The following CNTN1 variants were observed in gnomAD, a reference collection of about 807,000 sequenced individuals.
CNTN1 encodes the protein contactin 1.
CNTN1 carries 38 observed loss-of-function variants against 126.4 expected under a neutral mutation model. That is an observed-to-expected ratio of 0.30 (90% confidence interval 0.23 to 0.39). The LOEUF (loss-of-function observed/expected upper bound fraction) is 0.39. Among genes scored for constraint, CNTN1 ranks in the 10% least tolerant of loss-of-function variants. CNTN1 has a pLI of 1.00. For missense variants in CNTN1, 1,009 were observed against 1,248.4 expected (o/e 0.81, Z 2.89); for synonymous variants, 413 against 422.6 (o/e 0.98, Z 0.28).
chr12:41,069,498 C>T (rs955025081), intron 23 of CNTN1, among the ~76,000 whole-genome samples: 4 of 151,986 alleles, frequency 2.6e-5, no homozygotes, highest in Admixed American at 2.0e-4. Context: ...AGGTTTGTTA[C>T]ATATGTATAC....
intron 1 of CNTN1, among the ~76,000 whole-genome samples, chr12:40,841,836 C>T (rs537602958): frequency 2.0e-4 from 31 of 151,960 alleles, no homozygotes; most frequent in Middle Eastern, 3.4e-3. Flanking sequence ...AAAGGGGAAA[C>T]GCAGAAAGCC....
At chr12:41,053,425 CTAAATATATATATATATATA>C (rs1949730025) in intron 23 of CNTN1, among the ~76,000 whole-genome samples, 1 of 35,856 alleles carries the variant, frequency 2.8e-5, no homozygotes, top group African/African-American at 1.9e-4. Context: ...CATGTTTTCA[CTAAATATATATATATATATA>C]TATATATATA....
chr12:40,888,936 C>T (rs935581533), intron 1 of CNTN1, among the ~76,000 whole-genome samples: 2 of 152,250 alleles, frequency 1.3e-5, no homozygotes, highest in African/African-American at 4.8e-5. Context: ...CTTGCTTCCC[C>T]TCCTGCCACT....
At chr12:40,925,995 C>T (rs1945671810) in intron 6 of CNTN1, among the ~76,000 whole-genome samples, 1 of 151,338 alleles carries the variant, frequency 6.6e-6, no homozygotes, top group Non-Finnish European at 1.5e-5. Context: ...CACTCATTGA[C>T]TCAGAAAATC....
At chr12:40,950,558 A>G (rs1165609307) in intron 14 of CNTN1, among the ~76,000 whole-genome samples, 1 of 152,094 alleles carries the variant, frequency 6.6e-6, no homozygotes, top group Non-Finnish European at 1.5e-5. Flanking sequence ...AAACATACAA[A>G]AGCATTCGGC....
chr12:40,930,038 G>C, intron 7 of CNTN1, 36 bp downstream of exon 7: 1 of 1,449,752 alleles, frequency 6.9e-7, no homozygotes, highest in Non-Finnish European at 9.7e-7. Flanking sequence ...GTTTTCGCAA[G>C]GTTATCTACA....
intron 1 of CNTN1, among the ~76,000 whole-genome samples, chr12:40,707,677 G>A (rs1418393197): frequency 6.6e-6 from 1 of 151,942 alleles, no homozygotes; most frequent in East Asian, 1.9e-4. Context: ...TACTGTGCTT[G>A]TCCAGATATT....
At position 40,858,943 on chromosome 12, in the gene CNTN1, T is replaced by G. The variant is rs946472957; in HGVS notation, c.-76-49414T>G. 1.5e-4 allele frequency among the ~76,000 whole-genome samples: 22 copies of G among 151,018 alleles called. No homozygotes were observed. In the East Asian group the frequency reaches 4.3e-3, roughly 30 times the overall value. On this transcript the variant is annotated intron_variant, in intron 1 of 23. Coordinates refer to ENST00000551295, the MANE Select transcript of CNTN1 (RefSeq NM_001843.4). ...GCTGAACAATGAGAACACACGGACA[T>G]AGGGAGGGGAACAACACACACTGGG... is the stretch of plus-strand genomic sequence containing the variant.
intron 17 of CNTN1, among the ~76,000 whole-genome samples, chr12:41,000,838 G>T (rs1015625011): frequency 8.6e-5 from 13 of 151,996 alleles, no homozygotes; most frequent in Non-Finnish European, 1.5e-4. Flanking sequence ...ATGTGTCCAG[G>T]TGTTCTCATC....
intron 9 of CNTN1, among the ~76,000 whole-genome samples, chr12:40,935,080 C>A (rs1946033654): frequency 6.6e-6 from 1 of 152,004 alleles, no homozygotes; most frequent in African/African-American, 2.4e-5. Context: ...CATTTATGAT[C>A]CCACTCGTGA....
intron 18 of CNTN1, among the ~76,000 whole-genome samples, chr12:41,016,390 G>A (rs544576631): frequency 2.2e-4 from 34 of 152,222 alleles, no homozygotes; most frequent in African/African-American, 7.9e-4. Flanking sequence ...GAGGGGGTGG[G>A]AGGAGTCACA....
chr12:40,967,588 CT>C (rs1592337367), intron 15 of CNTN1, among the ~76,000 whole-genome samples: 1 of 152,122 alleles, frequency 6.6e-6, no homozygotes, highest in East Asian at 1.9e-4. Context: ...GCCTTGGGAG[CT>C]TTTAGACACT....
intron 23 of CNTN1, among the ~76,000 whole-genome samples, chr12:41,033,009 A>G (rs1233105276): frequency 6.6e-6 from 1 of 152,132 alleles, no homozygotes; most frequent in Non-Finnish European, 1.5e-5. Context: ...TCATCTCTAG[A>G]AAACTGATAT....
intron 1 of CNTN1, among the ~76,000 whole-genome samples, chr12:40,720,482 C>A (rs959464995): frequency 1.3e-5 from 2 of 151,872 alleles, no homozygotes; most frequent in African/African-American, 4.8e-5. Flanking sequence ...GGCACAGAGT[C>A]AAATACCATT....
At chr12:40,977,044 G>A (rs1193988630) in intron 15 of CNTN1, among the ~76,000 whole-genome samples, 2 of 152,130 alleles carry the variant, frequency 1.3e-5, no homozygotes, top group Non-Finnish European at 2.9e-5. Context: ...ACCTGTTCCC[G>A]AGGTTGCTGG....
At chr12:41,013,664 T>G (rs989277458) in intron 17 of CNTN1, among the ~76,000 whole-genome samples, 40 of 152,272 alleles carry the variant, frequency 2.6e-4, no homozygotes, top group Admixed American at 2.5e-3. Flanking sequence ...AAAGGGTCTT[T>G]CTAGCAGGGA....
intron 23 of CNTN1, among the ~76,000 whole-genome samples, chr12:41,037,661 A>AAT: frequency 1.8e-5 from 2 of 110,116 alleles, no homozygotes; most frequent in East Asian, 4.5e-4. Flanking sequence ...TTGTGTGTTT[A>AAT]ATACACACAC....
At chr12:40,705,339 G>A (rs995529362) in intron 1 of CNTN1, among the ~76,000 whole-genome samples, 5 of 152,104 alleles carry the variant, frequency 3.3e-5, no homozygotes, top group African/African-American at 1.2e-4. Context: ...TCTGCTTCAT[G>A]TTTGCCATAG....
chr12:40,832,835 A>G (rs888885871), intron 1 of CNTN1, among the ~76,000 whole-genome samples: 3 of 152,112 alleles, frequency 2.0e-5, no homozygotes, highest in Non-Finnish European at 2.9e-5. Context: ...ACTCTGGGCC[A>G]CTATCCACTT....
Sources: gnomAD v4.1 joint callset for allele counts (sites outside exome capture counted in the v4.1 genomes callset) on GRCh38, gnomAD v4.1.1 for gene constraint, MANE v1.5 for transcripts, NCBI Gene and HGNC (gene_info 2026-07-23, HGNC 2026-07-21) for gene names.